Variants in EDA observed in about 807,000 individuals in gnomAD.
EDA encodes ectodysplasin A.
EDA carries 2 observed loss-of-function variants against 23.6 expected under a neutral mutation model. The observed-to-expected ratio is 0.08, with a 90% CI of 0.03 to 0.27. The LOEUF is 0.27. Among genes scored for constraint, EDA ranks in the 10% least tolerant of loss-of-function variants. The pLI is 1.00. For synonymous variants in EDA, 131 were observed against 132.0 expected, an observed-to-expected ratio of 0.99 and a Z score of 0.05; for missense variants, 229 against 324.2, an observed-to-expected ratio of 0.71 and a Z score of 2.26.
At chrX:69,894,881 A>G (rs2017987885) in intron 1 of EDA, among the ~76,000 whole-genome samples, 1 of 111,247 alleles carries the variant, frequency 9.0e-6, no homozygotes, top group Admixed American at 9.6e-5. Flanking sequence ...CTCTCTTCCT[A>G]TTTGGATGTC....
chrX:69,778,949 A>G (rs948283370), intron 1 of EDA, among the ~76,000 whole-genome samples: 1 of 111,701 alleles, frequency 9.0e-6, no homozygotes, highest in Non-Finnish European at 1.9e-5. Context: ...ACTCAACTCT[A>G]CTGTTATAGT....
At chrX:70,027,014 C>T (rs1051365553) in intron 3 of EDA, among the ~76,000 whole-genome samples, 6 of 111,308 alleles carry the variant, frequency 5.4e-5, no homozygotes, top group African/African-American at 2.0e-4. Context: ...GTTCCTAAGG[C>T]CAGGCTGTAC....
chrX:69,809,542 T>C (rs1484597509), intron 1 of EDA, among the ~76,000 whole-genome samples: 2 of 111,698 alleles, frequency 1.8e-5, no homozygotes, highest in Admixed American at 9.5e-5. Flanking sequence ...ATATTTTAGG[T>C]CAATGAGCAC....
At chrX:69,712,292 G>A (rs374657966) in intron 1 of EDA, among the ~76,000 whole-genome samples, 1 of 111,369 alleles carries the variant, frequency 9.0e-6, no homozygotes, top group African/African-American at 3.3e-5. Context: ...AAATGGTAAT[G>A]TGTCTTTAAT....
At chrX:69,712,100 T>C (rs1031913286) in intron 1 of EDA, among the ~76,000 whole-genome samples, 4 of 111,259 alleles carry the variant, frequency 3.6e-5, no homozygotes, top group African/African-American at 6.5e-5. Context: ...GTGTCAATTT[T>C]AGATCTTTCC....
rs185041976 is a variant in EDA at position 69,895,137 on chromosome X, A to G, written c.397-61890A>G. Among the ~76,000 whole-genome samples the G allele has an allele frequency of 4.7e-4, 52 of 111,090 alleles. No individual in the cohort carries two copies. The East Asian group carries it at 0.014, about 29-fold the overall frequency. ...AACATGAAGGCTGTTGAATTTTATC[A>G]AAGGCCTTTTCTGCATCTATTGAGA... On this transcript the variant is annotated intron_variant, in intron 1 of 7. Transcript: ENST00000374552.
At chrX:69,652,063 A>G (rs767527792) in intron 1 of EDA, among the ~76,000 whole-genome samples, 4 of 111,514 alleles carry the variant, frequency 3.6e-5, no homozygotes, top group Non-Finnish European at 7.5e-5. Flanking sequence ...AGCAGGCTTG[A>G]TAAAGTTGTA....
At chrX:69,841,431 C>T (rs183986553) in intron 1 of EDA, among the ~76,000 whole-genome samples, 8,207 of 111,364 alleles carry the variant, frequency 0.074, 238 homozygotes, top group Middle Eastern at 0.09. Flanking sequence ...ACTTTATTAC[C>T]CAGGCTCAAG....
Position 69,732,283 on chromosome X carries a change from A to T in EDA, c.396+115579A>T, listed in dbSNP as rs578015129. 2.7e-5 allele frequency among the ~76,000 whole-genome samples: 3 copies of T among 110,678 alleles called. No homozygotes were observed. In the South Asian group the frequency reaches 1.2e-3, roughly 43 times the overall value. ...ACCCCACAACAGGCCCCAGTGTGTG[A>T]TGTTCCCCACCCTGTGTCCAAGTGT... is the stretch of plus-strand genomic sequence containing the variant. On this transcript the variant is annotated intron_variant, in intron 1 of 7. Transcript: ENST00000374552.
At chrX:69,883,608 T>A (rs1297592374) in intron 1 of EDA, among the ~76,000 whole-genome samples, 1 of 111,523 alleles carries the variant, frequency 9.0e-6, no homozygotes, top group Non-Finnish European at 1.9e-5. Flanking sequence ...CCATGATGGG[T>A]TGGCAGAAAT....
chrX:69,966,317 C>T (rs945631287), intron 2 of EDA, among the ~76,000 whole-genome samples: 5 of 111,550 alleles, frequency 4.5e-5, no homozygotes, highest in Admixed American at 9.5e-5. Flanking sequence ...CAGTGGCTCA[C>T]GCCTGTAATC....
At chrX:69,941,375 C>T (rs1162774534) in intron 1 of EDA, among the ~76,000 whole-genome samples, 1 of 111,327 alleles carries the variant, frequency 9.0e-6, no homozygotes, top group Non-Finnish European at 1.9e-5. Context: ...GTGTTGAAGT[C>T]TCCATCTATT....
chrX:69,937,290 C>A, intron 1 of EDA: 1 of 691,067 alleles, frequency 1.4e-6, no homozygotes, highest in Non-Finnish European at 2.4e-6. Context: ...AAAGAACATT[C>A]CTCTCATTTT....
intron 2 of EDA, among the ~76,000 whole-genome samples, chrX:69,989,138 G>A (rs747248060): frequency 5.0e-4 from 56 of 111,803 alleles, no homozygotes; most frequent in Non-Finnish European, 8.8e-4. Context: ...TTGGCAATCC[G>A]CTTCTCCCCC....
chrX:69,756,182 T>C (rs1215844692), intron 1 of EDA, among the ~76,000 whole-genome samples: 2 of 112,055 alleles, frequency 1.8e-5, no homozygotes, highest in Admixed American at 1.9e-4. Context: ...TCTTGGAACC[T>C]CCTCAGTTTT....
intron 1 of EDA, among the ~76,000 whole-genome samples, chrX:69,713,500 A>G (rs952523149): frequency 9.0e-6 from 1 of 111,138 alleles, no homozygotes; most frequent in Non-Finnish European, 1.9e-5. Context: ...TTATAAACAC[A>G]CCCGCTGCCT....
chrX:69,636,518 G>A (rs1932776803), intron 1 of EDA, among the ~76,000 whole-genome samples: 1 of 109,510 alleles, frequency 9.1e-6, no homozygotes, highest in Non-Finnish European at 1.9e-5. Context: ...ACCTTATCTA[G>A]TAAACTGAAG....
intron 1 of EDA, among the ~76,000 whole-genome samples, chrX:69,672,821 G>T (rs939223700): frequency 9.2e-6 from 1 of 108,287 alleles, no homozygotes; most frequent in African/African-American, 3.4e-5. Flanking sequence ...GGCAGAGCTT[G>T]CAGTGAGCCG....
intron 1 of EDA, among the ~76,000 whole-genome samples, chrX:69,666,866 G>A (rs980101744): frequency 1.8e-5 from 2 of 111,622 alleles, no homozygotes; most frequent in Admixed American, 1.9e-4. Flanking sequence ...AAGTATTGGT[G>A]TTAATTCTTC....
Sources: allele counts gnomAD v4.1 joint callset (sites outside exome capture counted in the v4.1 genomes callset), GRCh38; gene constraint gnomAD v4.1.1; transcripts MANE v1.5; gene names NCBI Gene and HGNC (gene_info 2026-07-23, HGNC 2026-07-21).